ATG7: variants seen among roughly 807,000 people sequenced by gnomAD.
The protein encoded by ATG7 is autophagy related 7.
In ATG7, 70 loss-of-function variants were observed where a neutral mutation model predicts 82.4. The observed-to-expected ratio is 0.85, with a 90% CI of 0.70 to 1.04. The LOEUF is 1.04. ATG7 is among the 50% of genes least tolerant of loss of function. ATG7 has a pLI of 0.00. For synonymous variants in ATG7, 287 were observed against 313.0 expected (o/e 0.92, Z 0.88); for missense variants, 792 against 864.3 (o/e 0.92, Z 1.05).
intron 20 of ATG7, among the ~76,000 whole-genome samples, chr3:11,471,201 G>C (rs1053011001): frequency 3.3e-5 from 5 of 152,124 alleles, no homozygotes; most frequent in African/African-American, 1.2e-4. Flanking sequence ...TTCAGAATGA[G>C]ATCAGCTCTT....
At chr3:11,542,239 G>C (rs1166565521) in intron 20 of ATG7, among the ~76,000 whole-genome samples, 1 of 152,252 alleles carries the variant, frequency 6.6e-6, no homozygotes, top group East Asian at 1.9e-4. Flanking sequence ...TTGCACTTAG[G>C]CAGTAAACAC....
intron 20 of ATG7, among the ~76,000 whole-genome samples, chr3:11,540,640 CA>C (rs35654550): frequency 4.6e-4 from 67 of 146,748 alleles, no homozygotes; most frequent in Non-Finnish European, 9.2e-4. Context: ...CACCCCATCT[CA>C]AAAAAAAAAA....
chr3:11,496,309 G>A (rs557062885), intron 20 of ATG7, among the ~76,000 whole-genome samples: 15 of 152,304 alleles, frequency 9.8e-5, no homozygotes, highest in East Asian at 9.6e-4. Context: ...GAATGGGTTC[G>A]CTGACCTGTA....
chr3:11,455,498 A>G (rs1457595716), intron 20 of ATG7, among the ~76,000 whole-genome samples: 4 of 152,198 alleles, frequency 2.6e-5, no homozygotes, highest in Non-Finnish European at 5.9e-5. Flanking sequence ...GGCCTCCAGC[A>G]TACTCATTTT....
intron 20 of ATG7, among the ~76,000 whole-genome samples, chr3:11,486,857 G>C (rs1443242957): frequency 9.0e-6 from 1 of 111,008 alleles, no homozygotes; most frequent in Non-Finnish European, 1.8e-5. Context: ...TTTTTTTATT[G>C]ATAATTCTTG....
intron 20 of ATG7, among the ~76,000 whole-genome samples, chr3:11,534,480 A>G (rs926570511): frequency 6.6e-6 from 1 of 152,204 alleles, no homozygotes; most frequent in Admixed American, 6.5e-5. Context: ...AGACATGCTC[A>G]TGGAGGAGAG....
chr3:11,514,022 C>T (rs1289579884), intron 20 of ATG7, among the ~76,000 whole-genome samples: 1 of 152,196 alleles, frequency 6.6e-6, no homozygotes, highest in African/African-American at 2.4e-5. Context: ...ACTCATGTGC[C>T]ACTATGCCAA....
intron 20 of ATG7, among the ~76,000 whole-genome samples, chr3:11,432,876 C>T (rs897681042): frequency 1.3e-5 from 2 of 152,100 alleles, no homozygotes; most frequent in East Asian, 1.9e-4. Flanking sequence ...GATCCTGACT[C>T]CCTATCCCTC....
chr3:11,466,229 C>T (rs2086814279), intron 20 of ATG7, among the ~76,000 whole-genome samples: 1 of 152,218 alleles, frequency 6.6e-6, no homozygotes, highest in Non-Finnish European at 1.5e-5. Context: ...ATTAAAGAAA[C>T]TTGCCAGGGG....
the ATG7 span, chr3:11,568,676 T>C: frequency 5.1e-6 from 8 of 1,554,902 alleles, no homozygotes; most frequent in Non-Finnish European, 6.1e-6. This position sits in a 1 kb window ranked among gnomAD's most constrained non-coding sequence, Gnocchi z 5.9. Flanking sequence ...CTCGCCCGGA[T>C]GAATCACCTC....
Position 11,476,688 on chromosome 3 carries a change from G to A in ATG7, c.2079+49762G>A, listed in dbSNP as rs111339979. Among the ~76,000 whole-genome samples the A allele has an allele frequency of 3.7e-3, 567 of 152,172 alleles. 2 individuals are homozygous for A. Among genetic ancestry groups the A allele is most frequent in the African/African-American group, 0.013 (540 of 41,518 alleles). On this transcript the variant is annotated intron_variant, in intron 20 of 20. Transcript: ENST00000693202. ...TATTCCCATTTATTTTATTTTAGCCGAGTATTCTTGTCCAAAATGAAAATC... is the reference window on the plus strand; with the variant it reads ...TATTCCCATTTATTTTATTTTAGCCAAGTATTCTTGTCCAAAATGAAAATC...
chr3:11,477,938 G>A (rs997683070), intron 20 of ATG7, among the ~76,000 whole-genome samples: 2 of 152,170 alleles, frequency 1.3e-5, no homozygotes, highest in African/African-American at 2.4e-5. Flanking sequence ...TAACTCCAGT[G>A]GAAAGCAGTC....
At chr3:11,381,074 TTC>T (rs1427330587) in intron 19 of ATG7, among the ~76,000 whole-genome samples, 2 of 152,244 alleles carry the variant, frequency 1.3e-5, no homozygotes, top group Non-Finnish European at 2.9e-5. Flanking sequence ...ACTAATTATT[TTC>T]TTTTTGCTTC....
intron 11 of ATG7, among the ~76,000 whole-genome samples, chr3:11,334,867 G>T (rs538988363): frequency 1.2e-4 from 17 of 147,050 alleles, no homozygotes; most frequent in Admixed American, 1.1e-3. Context: ...TGAGGCAGAA[G>T]AATCGCTTGA....
chr3:11,531,945 G>A (rs376749079), intron 20 of ATG7, among the ~76,000 whole-genome samples: 11 of 151,468 alleles, frequency 7.3e-5, no homozygotes, highest in East Asian at 3.9e-4. Flanking sequence ...CAAGCACTGC[G>A]CTAAACACTT....
intron 18 of ATG7, among the ~76,000 whole-genome samples, chr3:11,379,462 A>C (rs570087180): frequency 6.6e-6 from 1 of 152,142 alleles, no homozygotes; most frequent in Non-Finnish European, 1.5e-5. Context: ...TTTTATCTCT[A>C]TCTGTTCCAA....
chr3:11,383,612 C>A (rs2078084048), intron 19 of ATG7, among the ~76,000 whole-genome samples: 1 of 152,126 alleles, frequency 6.6e-6, no homozygotes, highest in South Asian at 2.1e-4. Flanking sequence ...CCATGCCTGG[C>A]TAATTTTTTG....
At chr3:11,275,996 T>C (rs773078741) in intron 1 of ATG7, among the ~76,000 whole-genome samples, 1 of 152,204 alleles carries the variant, frequency 6.6e-6, no homozygotes, top group Non-Finnish European at 1.5e-5. Flanking sequence ...TGTGGTAACC[T>C]AAAGCCCTGC....
intron 5 of ATG7, among the ~76,000 whole-genome samples, chr3:11,305,883 A>G (rs992711164): frequency 2.6e-5 from 4 of 152,370 alleles, no homozygotes; most frequent in East Asian, 3.9e-4. Flanking sequence ...ATGAAAAGAC[A>G]TAGGTTCTTC....
Sources: gnomAD v4.1 joint callset for allele counts (sites outside exome capture counted in the v4.1 genomes callset) on GRCh38, gnomAD v4.1.1 for gene constraint, Gnocchi (gnomAD v3.1) non-coding constraint, MANE v1.5 for transcripts, NCBI Gene and HGNC (gene_info 2026-07-23, HGNC 2026-07-21) for gene names.